HHIPL2: variants seen among roughly 807,000 people sequenced by gnomAD.
HHIPL2 encodes the protein HHIP like 2.
A neutral mutation model predicts 61.0 loss-of-function variants in HHIPL2; 61 were observed. That is an observed-to-expected ratio of 1.00 (90% CI 0.81 to 1.24). HHIPL2 has a LOEUF of 1.24. Among genes scored for constraint, HHIPL2 ranks in the 50% most tolerant of loss-of-function variants. HHIPL2 has a pLI of 0.00. For synonymous variants in HHIPL2, 343 were observed against 357.4 expected (o/e 0.96, Z 0.45); for missense variants, 885 against 910.2 (o/e 0.97, Z 0.36).
At chr1:222,542,244 C>G (rs1659448365) in intron 2 of HHIPL2, 89 bp from the exon 3 acceptor site, 2 of 1,495,762 alleles carry the variant, frequency 1.3e-6, no homozygotes, top group East Asian at 4.7e-5. Flanking sequence ...CTGGGCCAAG[C>G]CACCGAGATT....
chr1:222,540,167 G>A lies in HHIPL2; in HGVS notation c.1293C>T (p.Pro431=), dbSNP rs769141265. ...MWRCAVDRGD[P]ITRQGRGRIF... ...TCCGGCCTCGGCCCTGGCGCGTGATGGGGTCCCCTCGGTCCACAGCACAAC... is the reference window on the plus strand; with the variant it reads ...TCCGGCCTCGGCCCTGGCGCGTGATAGGGTCCCCTCGGTCCACAGCACAAC... The change falls in exon 4 of 9, where the codon CCC becomes CCT. Residue 431 remains proline (P), a synonymous_variant. Transcript: ENST00000343410. 9 of 1,614,146 alleles carry A rather than the reference G, an allele frequency of 5.6e-6. No individual in the cohort carries two copies. The highest frequency in any genetic ancestry group is 1.3e-5 in the African/African-American group (1 of 74,962).
chr1:222,544,896 T>C (rs17163188), intron 1 of HHIPL2, among the ~76,000 whole-genome samples: 65,616 of 152,106 alleles, frequency 0.43, 14,637 homozygotes, highest in Admixed American at 0.53. Context: ...GCAATTTCTT[T>C]AATTATTGAT....
Position 222,544,197 on chromosome 1 carries a change from A to G in HHIPL2, c.322-8T>C, listed in dbSNP as rs751214626. The G allele has an allele frequency of 1.9e-6, 3 of 1,604,746 alleles. No individual in the cohort carries two copies. The highest frequency in any genetic ancestry group is 2.6e-6 in the Non-Finnish European group (3 of 1,175,764). On this transcript the variant is annotated splice_polypyrimidine_tract_variant and splice_region_variant and intron_variant, in intron 1 of 8. Coordinates refer to ENST00000343410, the MANE Select transcript of HHIPL2 (RefSeq NM_024746.4). ...TGCGTAGGGCGAGCACTCCTAAAAA[A>G]GAACGCGGAGCTCAGGCTCAGCATC...
At chr1:222,542,618 C>T (rs2102621197) in intron 2 of HHIPL2, among the ~76,000 whole-genome samples, 1 of 150,464 alleles carries the variant, frequency 6.6e-6, no homozygotes, top group Non-Finnish European at 1.5e-5. Flanking sequence ...GCAACTTCTG[C>T]CTCCCAGGTT....
chr1:222,525,779 G>A (rs1376814132), intron 7 of HHIPL2, among the ~76,000 whole-genome samples: 2 of 151,926 alleles, frequency 1.3e-5, no homozygotes, highest in Non-Finnish European at 2.9e-5. Context: ...CAGGTGGATC[G>A]CTTGAGGCCA....
In HHIPL2 at chr1:222,522,600, G is replaced by A; in HGVS notation, c.*1C>T. The A allele has an allele frequency of 1.2e-6, 2 of 1,611,536 alleles. No homozygotes were observed. The highest frequency in any genetic ancestry group is 1.7e-6 in the Non-Finnish European group (2 of 1,179,956). The stretch of plus-strand genomic sequence containing the variant: ...CCCTGTCGGCCACCTTGACCAATAG[G>A]TCAAGGGAGACTTCTGCCAGCTCGC... On this transcript the variant is annotated 3_prime_UTR_variant, in exon 9 of 9. Transcript: ENST00000343410.
chr1:222,527,048 C>T lies in HHIPL2; in HGVS notation c.1726G>A (p.Glu576Lys). ...TAAGAGGTCGCCAGGAAATACAGCT[C>T]CCCTAAGGCAACAAAAATAGACAGG... ...IISFAEDEAG[E>K]LYFLATSYPS... is the part of the protein sequence containing the mutation. The change falls in exon 7 of 9, where the codon GAG becomes AAG. Residue 576 changes from glutamate to lysine, a missense_variant and splice_region_variant. Transcript: ENST00000343410. The T allele has an allele frequency of 6.2e-7, 1 of 1,612,176 alleles. No homozygotes were observed.
Position 222,522,520 on chromosome 1 carries a change from G to A in HHIPL2, c.*81C>T, listed in dbSNP as rs1245534184. 1.4e-6 allele frequency: 2 copies of A among 1,469,866 alleles called. No homozygotes were observed. The highest frequency in any genetic ancestry group is 1.8e-6 in the Non-Finnish European group (2 of 1,083,254). The allele number at this position is 1,469,866 out of a possible 1,614,324, so 91.1% of individuals were successfully genotyped here. A position where few individuals can be genotyped will look rare whatever the true frequency, so the allele number is the denominator to read the frequency against. On this transcript the variant is annotated 3_prime_UTR_variant, in exon 9 of 9. Coordinates refer to ENST00000343410, the MANE Select transcript of HHIPL2 (RefSeq NM_024746.4). ...TACCCTGGCTTCCCAGACTTCTAAG[G>A]TCTTTATTCAGCAGTGACTTTCATT...
At chr1:222,533,697 G>A (rs1317278323) in intron 5 of HHIPL2, among the ~76,000 whole-genome samples, 2 of 152,196 alleles carry the variant, frequency 1.3e-5, no homozygotes, top group African/African-American at 4.8e-5. Context: ...GGAGGAGTGT[G>A]TTCTCTGACA....
At chr1:222,544,246 C>T in intron 1 of HHIPL2, 57 bp from the exon 2 acceptor site, 1 of 1,535,370 alleles carries the variant, frequency 6.5e-7, no homozygotes, top group Non-Finnish European at 8.8e-7. Flanking sequence ...CGGCACTTGT[C>T]TCAAGTTTTG....
intron 1 of HHIPL2, among the ~76,000 whole-genome samples, chr1:222,545,848 T>A (rs1659542361): frequency 6.6e-6 from 1 of 151,602 alleles, no homozygotes; most frequent in South Asian, 2.1e-4. Context: ...CTGGCCAACA[T>A]GGTGAAACCC....
At chr1:222,532,303 A>G (rs1399260088) in intron 5 of HHIPL2, among the ~76,000 whole-genome samples, 192 bp from the exon 6 acceptor site, 1 of 152,128 alleles carries the variant, frequency 6.6e-6, no homozygotes, top group Non-Finnish European at 1.5e-5. Flanking sequence ...CTAGATGTGG[A>G]AGTTCATGTT....
At chr1:222,531,212 G>A (rs1659181407) in intron 6 of HHIPL2, among the ~76,000 whole-genome samples, 1 of 152,028 alleles carries the variant, frequency 6.6e-6, no homozygotes, top group African/African-American at 2.4e-5. Flanking sequence ...CAGACTCTTG[G>A]CAAGGTCAGG....
chr1:222,543,259 C>A (rs1401411305), intron 2 of HHIPL2, among the ~76,000 whole-genome samples: 1 of 152,184 alleles, frequency 6.6e-6, no homozygotes, highest in African/African-American at 2.4e-5. Flanking sequence ...ATCTATAATC[C>A]TTTCTCAGAC....
intron 7 of HHIPL2, chr1:222,525,257 C>T (rs188821183): frequency 2.0e-4 from 30 of 152,232 alleles, no homozygotes; most frequent in African/African-American, 7.0e-4. Flanking sequence ...CATAGGAAGC[C>T]TGTTAATGGA....
rs149049815 is a variant in HHIPL2, at chr1:222,540,192, C to G, written c.1268G>C (p.Arg423Pro). Residue 423 changes from arginine (R) to proline (P), a missense_variant, in exon 4 of 9, where the codon CGT becomes CCT. Transcript: ENST00000343410. ...GGGGTCCCCTCGGTCCACAGCACAACGCCACATGTTCCTGATCCCATAGGC... is the reference window on the plus strand; with the variant it reads ...GGGGTCCCCTCGGTCCACAGCACAAGGCCACATGTTCCTGATCCCATAGGC... ...IYAYGIRNMW[R>P]CAVDRGDPIT... 6.2e-7 allele frequency: 1 copy of G among 1,614,244 alleles called. No individual in the cohort carries two copies. The highest frequency in any genetic ancestry group is 1.7e-5 in the Admixed American group (1 of 60,034).
At chr1:222,530,028 A>C (rs1305523948) in intron 6 of HHIPL2, among the ~76,000 whole-genome samples, 11 of 152,218 alleles carry the variant, frequency 7.2e-5, no homozygotes, top group Admixed American at 3.3e-4. Context: ...TCTGGAAAAA[A>C]AAATAATTTG....
chr1:222,547,658 C>A, intron 1 of HHIPL2, 66 bp downstream of exon 1: 1 of 1,400,754 alleles, frequency 7.1e-7, no homozygotes. Flanking sequence ...AAGCACCCTC[C>A]GCTCAGGACC....
chr1:222,542,206 T>G (rs564459024), intron 2 of HHIPL2, 51 bp from the exon 3 acceptor site: 1 of 1,594,632 alleles, frequency 6.3e-7, no homozygotes, highest in African/African-American at 1.4e-5. Context: ...AAGCTGAAGC[T>G]GCATCCTCTT....
Sources: gnomAD v4.1 joint callset for allele counts (sites outside exome capture counted in the v4.1 genomes callset) on GRCh38, gnomAD v4.1.1 for gene constraint, MANE v1.5 for transcripts, NCBI Gene and HGNC (gene_info 2026-07-23, HGNC 2026-07-21) for gene names.